EBF1: variants seen among roughly 807,000 people sequenced by gnomAD.
EBF1 encodes the protein EBF transcription factor 1, also known as transcription factor COE1.
A neutral mutation model predicts 68.4 loss-of-function variants in EBF1; 10 were observed. The observed-to-expected ratio is 0.15, with a 90% CI of 0.09 to 0.25. EBF1 has a LOEUF of 0.25. EBF1 is among the 10% of genes least tolerant of loss of function. The pLI, the probability that EBF1 is intolerant of heterozygous loss-of-function variation, is 1.00. For missense variants in EBF1, 509 were observed against 794.4 expected, an observed-to-expected ratio of 0.64 and a Z score of 4.32; for synonymous variants, 298 against 299.8, an observed-to-expected ratio of 0.99 and a Z score of 0.06.
At chr5:158,983,639 T>C (rs535887439) in intron 6 of EBF1, 1 of 152,254 alleles carries the variant, frequency 6.6e-6, no homozygotes, top group East Asian at 1.9e-4. Flanking sequence ...ATTGACCGGG[T>C]GACTAAGACT....
chr5:158,725,755 G>A (rs1351751747), intron 11 of EBF1, among the ~76,000 whole-genome samples: 1 of 152,186 alleles, frequency 6.6e-6, no homozygotes, highest in East Asian at 1.9e-4. Context: ...GAGAAAACCC[G>A]GGTGAGAGAT....
At chr5:158,875,435 C>T (rs1049261453) in intron 6 of EBF1, among the ~76,000 whole-genome samples, 7 of 152,134 alleles carry the variant, frequency 4.6e-5, no homozygotes, top group African/African-American at 1.4e-4. Flanking sequence ...ACTTCCTATC[C>T]GAAAACTTCC....
chr5:158,935,257 C>T (rs1811733820), intron 6 of EBF1, among the ~76,000 whole-genome samples: 1 of 152,164 alleles, frequency 6.6e-6, no homozygotes, highest in Non-Finnish European at 1.5e-5. Flanking sequence ...GAGGCAGCAG[C>T]CAGTCAGAGG....
In EBF1 at chr5:158,698,449, T is replaced by C. The variant is rs569582713; in HGVS notation, c.*662A>G. ...GTTTTAACTTTCCAGGCTGCATTTA[T>C]TTACACAGTTGCTTAAGACAACAAT... On this transcript the variant is annotated 3_prime_UTR_variant, in exon 16 of 16. Coordinates refer to ENST00000313708, the MANE Select transcript of EBF1 (RefSeq NM_024007.5). 1.9e-4 allele frequency: 43 copies of C among 221,598 alleles called. No homozygotes were observed. Among genetic ancestry groups the C allele is most frequent in the Middle Eastern group, 2.8e-3 (2 of 720 alleles). The allele number at this position is 221,598 out of a possible 1,614,324, so 13.7% of individuals were successfully genotyped here. A position where few individuals can be genotyped will look rare whatever the true frequency, so the allele number is the denominator to read the frequency against.
chr5:158,882,004 AAAG>A (rs796510808), intron 6 of EBF1, among the ~76,000 whole-genome samples: 13 of 152,366 alleles, frequency 8.5e-5, no homozygotes, highest in African/African-American at 2.6e-4. Context: ...TTGTATTTGC[AAAG>A]AAGGAGTTGT....
At chr5:158,780,693 T>C (rs1274155186) in intron 9 of EBF1, among the ~76,000 whole-genome samples, 2 of 152,106 alleles carry the variant, frequency 1.3e-5, no homozygotes, top group Non-Finnish European at 2.9e-5. Flanking sequence ...GTGTTAAATA[T>C]TAAAGACTTT....
intron 6 of EBF1, among the ~76,000 whole-genome samples, chr5:158,949,790 C>T (rs763816791): frequency 7.9e-5 from 12 of 152,302 alleles, no homozygotes; most frequent in Non-Finnish European, 1.6e-4. Flanking sequence ...CCATACACAC[C>T]CTACCCATAT....
At chr5:158,752,520 A>C (rs1249619520) in intron 10 of EBF1, among the ~76,000 whole-genome samples, 1 of 152,064 alleles carries the variant, frequency 6.6e-6, no homozygotes, top group East Asian at 1.9e-4. Flanking sequence ...GCGTGACAAG[A>C]GAATGTTAAA....
Position 158,803,709 on chromosome 5 carries a change from C to T in EBF1, c.779-7234G>A, listed in dbSNP as rs138809130. 8.7e-4 allele frequency among the ~76,000 whole-genome samples: 133 copies of T among 152,018 alleles called. 2 individuals are homozygous for T. The East Asian group carries it at 0.023, about 26-fold the overall frequency. ...AAACAAATTTGACAGTTTCCTCATG[C>T]AAGGTGTAGCAGCCTTTATAACACT... On this transcript the variant is annotated intron_variant, in intron 8 of 15. Transcript: ENST00000313708.
rs952338128 is a variant in EBF1, at chr5:158,909,023, G to A, written c.555-68913C>T. Among the ~76,000 whole-genome samples, 8 of 152,042 alleles carry A rather than the reference G, an allele frequency of 5.3e-5. No homozygotes were observed. In the East Asian group the frequency reaches 1.5e-3, roughly 29 times the overall value. On this transcript the variant is annotated intron_variant, in intron 6 of 15. Transcript: ENST00000313708. ...GGAGATTTATGGTTGGGTGTCTTGTGTTGTGAAACACAAGCTGTGACCCCC... is the reference window on the plus strand; with the variant it reads ...GGAGATTTATGGTTGGGTGTCTTGTATTGTGAAACACAAGCTGTGACCCCC...
intron 6 of EBF1, among the ~76,000 whole-genome samples, chr5:158,867,631 A>G (rs2128050068): frequency 8.2e-6 from 1 of 122,614 alleles, no homozygotes; most frequent in Non-Finnish European, 1.8e-5. Flanking sequence ...CTGTGGGCTG[A>G]GTTCTTAGGG....
intron 8 of EBF1, among the ~76,000 whole-genome samples, chr5:158,805,525 G>A (rs754717844): frequency 7.9e-5 from 12 of 152,024 alleles, no homozygotes; most frequent in Non-Finnish European, 1.3e-4. Flanking sequence ...ATAGATGCGT[G>A]CAGATAATTT....
At chr5:158,775,880 TTAAAAGAAACAGCTAATC>T (rs1243931655) in intron 10 of EBF1, among the ~76,000 whole-genome samples, 1 of 150,648 alleles carries the variant, frequency 6.6e-6, no homozygotes, top group East Asian at 2.0e-4. Context: ...AATCCTAGCT[TTAAAAGAAACAGCTAATC>T]TGCTAGTTTG....
At chr5:158,918,096 T>A (rs1461092712) in intron 6 of EBF1, among the ~76,000 whole-genome samples, 2 of 152,200 alleles carry the variant, frequency 1.3e-5, no homozygotes, top group African/African-American at 4.8e-5. Context: ...TGGGAGAGGT[T>A]TTATTTGCAG....
chr5:158,712,056 G>A (rs1344416561), intron 14 of EBF1, 98 bp downstream of exon 14: 11 of 1,413,608 alleles, frequency 7.8e-6, no homozygotes, highest in African/African-American at 2.8e-5. Flanking sequence ...AAGATGGGGG[G>A]CCTCAGACCG....
chr5:158,932,272 AATG>A (rs1424750268), intron 6 of EBF1, among the ~76,000 whole-genome samples: 55 of 152,242 alleles, frequency 3.6e-4, no homozygotes, highest in Admixed American at 1.9e-3. Flanking sequence ...TGGTTAGATA[AATG>A]ATGATATATC....
intron 6 of EBF1, among the ~76,000 whole-genome samples, chr5:158,940,018 G>T (rs969365057): frequency 1.3e-5 from 2 of 152,178 alleles, no homozygotes; most frequent in African/African-American, 4.8e-5. Flanking sequence ...GGGCTTTCCT[G>T]CTCTCTTTCT....
chr5:159,073,637 A>C (rs534896167), intron 5 of EBF1, 173 bp from the exon 6 acceptor site: 1 of 657,398 alleles, frequency 1.5e-6, no homozygotes, highest in Non-Finnish European at 2.6e-6. Flanking sequence ...CCTATGGGTT[A>C]ATGGCCAGGC....
At chr5:159,011,585 G>T (rs1337451446) in intron 6 of EBF1, among the ~76,000 whole-genome samples, 1 of 152,170 alleles carries the variant, frequency 6.6e-6, no homozygotes, top group Non-Finnish European at 1.5e-5. Flanking sequence ...CCAGAGCAGG[G>T]CTCCAAAGTT....
Sources: gnomAD v4.1 joint callset for allele counts (sites outside exome capture counted in the v4.1 genomes callset) on GRCh38, gnomAD v4.1.1 for gene constraint, MANE v1.5 for transcripts, NCBI Gene and HGNC (gene_info 2026-07-23, HGNC 2026-07-21) for gene names.